Variants in FAT4 observed in about 807,000 individuals in gnomAD.
FAT4 encodes the protein protocadherin Fat 4.
Under a neutral mutation model 303.9 loss-of-function variants are expected in FAT4, and 84 were observed. That is an observed-to-expected ratio of 0.28 (90% CI 0.23 to 0.33). The LOEUF (loss-of-function observed/expected upper bound fraction) is 0.33, where lower values mean the gene tolerates loss of function less well. FAT4 is among the 10% of genes least tolerant of loss of function. The pLI is 1.00. For synonymous variants in FAT4, 2,307 were observed against 2,298.8 expected (o/e 1.00, Z -0.10); for missense variants, 6,005 against 6,146.8 (o/e 0.98, Z 0.77).
At chr4:125,474,424 T>A (rs1297299594) in intron 12 of FAT4, among the ~76,000 whole-genome samples, 1 of 151,542 alleles carries the variant, frequency 6.6e-6, no homozygotes, top group African/African-American at 2.4e-5. Flanking sequence ...TACAGATAAC[T>A]GAAAATAATC....
Position 125,318,616 on chromosome 4 carries a change from G to A in FAT4, c.2205G>A (p.Arg735=). 1 of 1,614,130 alleles carries A rather than the reference G, an allele frequency of 6.2e-7. No individual in the cohort carries two copies. Among genetic ancestry groups the A allele is most frequent in the South Asian group, 1.1e-5 (1 of 91,080 alleles). ...KYSISAGDRS[R]FQVNAQSGVI... Reference sequence around the variant, plus strand: ...GCATATCTGCTGGGGACAGGTCTCGGTTTCAGGTCAATGCTCAGAGTGGGG... The same window carrying A: ...GCATATCTGCTGGGGACAGGTCTCGATTTCAGGTCAATGCTCAGAGTGGGG... Residue 735 remains arginine (R), a synonymous_variant, in exon 2 of 18, where the codon CGG becomes CGA. Coordinates refer to ENST00000394329, the MANE Select transcript of FAT4 (RefSeq NM_001291303.3).
intron 2 of FAT4, among the ~76,000 whole-genome samples, chr4:125,334,704 A>G (rs1731506363): frequency 6.6e-6 from 1 of 152,348 alleles, no homozygotes; most frequent in South Asian, 2.1e-4. Context: ...AATTTGAAAC[A>G]TAATTCAGAG....
Position 125,452,323 on chromosome 4 carries a change from T to C in FAT4, c.11313T>C (p.Asn3771=). ...RTFLLAAVKR[N]HNQYVNPSGV... Reference sequence around the variant, plus strand: ...TTCTTTTGGCAGCTGTGAAGCGAAATCATAATCAGTATGTGAATCCCAGTG... The same window carrying C: ...TTCTTTTGGCAGCTGTGAAGCGAAACCATAATCAGTATGTGAATCCCAGTG... The change falls in exon 10 of 18, where the codon AAT becomes AAC. Residue 3771 remains asparagine (N), a synonymous_variant. Coordinates refer to ENST00000394329, the MANE Select transcript of FAT4 (RefSeq NM_001291303.3). 1 of 1,614,174 alleles carries C rather than the reference T, an allele frequency of 6.2e-7. No individual in the cohort carries two copies. The highest frequency in any genetic ancestry group is 1.3e-5 in the African/African-American group (1 of 75,054).
chr4:125,473,920 C>T (rs998036726), intron 12 of FAT4, among the ~76,000 whole-genome samples: 27 of 151,846 alleles, frequency 1.8e-4, no homozygotes, highest in African/African-American at 6.0e-4. Context: ...AAAATAAGGC[C>T]CCTACTGGAT....
rs765487000 is a variant in FAT4 at position 125,491,131 on chromosome 4, T to C, written c.14315T>C (p.Leu4772Pro). The C allele has an allele frequency of 6.2e-7, 1 of 1,614,138 alleles. No individual in the cohort carries two copies. Among genetic ancestry groups the C allele is most frequent in the Non-Finnish European group, 8.5e-7 (1 of 1,180,020 alleles). The change falls in exon 18 of 18, where the codon CTA becomes CCA. Residue 4772 changes from leucine (L) to proline (P), a missense_variant. Leu to Pro is a moderately conservative substitution (Grantham distance 98). Coordinates refer to ENST00000394329, the MANE Select transcript of FAT4 (RefSeq NM_001291303.3). ...CATGGTTCTAGACCAGGGAGTCGCC[T>C]AAAGCAGCCGATTGGGCAGATTCCA... ...ASHGSRPGSR[L>P]KQPIGQIPLE...
In FAT4 at chr4:125,315,935, T is replaced by C. The variant is rs1730563541; in HGVS notation, c.-55T>C. On this transcript the variant is annotated 5_prime_UTR_variant, in exon 1 of 18. Transcript: ENST00000394329. ...CCACCCCTTCCCCGGTGCGCAGTTG[T>C]GCTTGGACGTTTGTTCCTCCCTCTT... Among the ~76,000 whole-genome samples the C allele has an allele frequency of 6.6e-6, 1 of 152,152 alleles. No homozygotes were observed. The highest frequency in any genetic ancestry group is 2.4e-5 in the African/African-American group (1 of 41,446).
At chr4:125,370,909 G>A (rs1198393135) in intron 2 of FAT4, among the ~76,000 whole-genome samples, 1 of 152,052 alleles carries the variant, frequency 6.6e-6, no homozygotes, top group Non-Finnish European at 1.5e-5. Flanking sequence ...ACTTTGGGAG[G>A]CCAAGGCAGG....
chr4:125,477,359 T>G, intron 14 of FAT4, 25 bp downstream of exon 14: 1 of 1,514,952 alleles, frequency 6.6e-7, no homozygotes, highest in Non-Finnish European at 8.9e-7. Flanking sequence ...TTTCTTACTG[T>G]TTTAAAGAAA....
chr4:125,435,868 G>A (rs558362369), intron 8 of FAT4, among the ~76,000 whole-genome samples: 1 of 152,220 alleles, frequency 6.6e-6, no homozygotes, highest in African/African-American at 2.4e-5. Context: ...TGATGAGAGA[G>A]GATTTACGGA....
In FAT4 at chr4:125,415,887, C is replaced by T. The variant is rs184634134; in HGVS notation, c.6843+81C>T. ...AACCTCCCCTCTTCTACAGCGTTTA[C>T]GCTTCCCCTGTTCTCTCCTCATTCT... On this transcript the variant is annotated intron_variant, in intron 6 of 17. Coordinates refer to ENST00000394329, the MANE Select transcript of FAT4 (RefSeq NM_001291303.3). 1.3e-3 allele frequency: 1,423 copies of T among 1,065,978 alleles called. 6 individuals are homozygous for T. The highest frequency in any genetic ancestry group is 6.5e-3 in the Admixed American group (245 of 37,896). 66.0% of individuals were successfully genotyped at this position (1,065,978 alleles called of 1,614,324 possible).
rs763572933 is a variant in FAT4, at chr4:125,463,576, A to C, written c.11814A>C (p.Glu3938Asp). 17 of 1,581,094 alleles carry C rather than the reference A, an allele frequency of 1.1e-5. No homozygotes were observed. Among genetic ancestry groups the C allele is most frequent in the East Asian group, 2.3e-5 (1 of 44,278 alleles). ...GATATATTTTAGGGAAAATGTGTGA[A>C]TCTTCAGTCAATTACTGTGAATGCA... ...CKTGYTGKMCESSVNYCECNP... is the reference protein window; with the variant it reads ...CKTGYTGKMCDSSVNYCECNP... The change falls in exon 11 of 18, where the codon GAA becomes GAC. Residue 3938 changes from glutamate to aspartate, a missense_variant. By Grantham distance (45) the Glu-to-Asp change is conservative. Coordinates refer to ENST00000394329, the MANE Select transcript of FAT4 (RefSeq NM_001291303.3).
intron 5 of FAT4, among the ~76,000 whole-genome samples, chr4:125,411,651 T>C (rs992385180): frequency 2.0e-5 from 3 of 151,034 alleles, no homozygotes; most frequent in East Asian, 1.9e-4. Context: ...GAAGATAACA[T>C]TTATAGATTG....
At chr4:125,463,795 A>C (rs1726565272) in intron 11 of FAT4, 128 bp downstream of exon 11, 1 of 521,972 alleles carries the variant, frequency 1.9e-6, no homozygotes, top group Admixed American at 3.5e-5. Context: ...TATTAAAATA[A>C]AATCTTAAAT....
rs1015027795 is a variant in FAT4, at chr4:125,315,454, C to T, written c.-536C>T. Among the ~76,000 whole-genome samples, 3 of 152,182 alleles carry T rather than the reference C, an allele frequency of 2.0e-5. No individual in the cohort carries two copies. The highest frequency in any genetic ancestry group is 4.4e-5 in the Non-Finnish European group (3 of 68,034). On this transcript the variant is annotated 5_prime_UTR_variant, in exon 1 of 18. Coordinates refer to ENST00000394329, the MANE Select transcript of FAT4 (RefSeq NM_001291303.3). The stretch of plus-strand genomic sequence containing the variant: ...CTGGGGCCGCCGGAGAACGACCCCC[C>T]CTGGCATGGTGAGGGGAGGGCGACT...
At chr4:125,463,423 C>T (rs547192105) in intron 10 of FAT4, 140 bp from the exon 11 acceptor site, 65 of 456,724 alleles carry the variant, frequency 1.4e-4, no homozygotes, top group African/African-American at 1.3e-3. Flanking sequence ...ATTCTAATTT[C>T]CTTATGTCAA....
intron 5 of FAT4, among the ~76,000 whole-genome samples, chr4:125,412,739 G>A (rs568351045): frequency 4.6e-5 from 7 of 151,888 alleles, no homozygotes; most frequent in Non-Finnish European, 8.8e-5. Flanking sequence ...GATTTATGTA[G>A]AAATGTTAGG....
chr4:125,345,279 T>G (rs949121128), intron 2 of FAT4, among the ~76,000 whole-genome samples: 2 of 152,102 alleles, frequency 1.3e-5, no homozygotes, highest in Non-Finnish European at 1.5e-5. Flanking sequence ...AGCGAAAATA[T>G]TCTCTGCAAA....
chr4:125,455,200 T>A (rs4834044), intron 10 of FAT4, among the ~76,000 whole-genome samples: 76,500 of 151,964 alleles, frequency 0.5, 19,825 homozygotes, highest in East Asian at 0.68. Context: ...GAGTTTACAT[T>A]TAGTCCTAGA....
At chr4:125,466,777 C>CTT (rs759985717) in intron 11 of FAT4, among the ~76,000 whole-genome samples, 27 of 139,578 alleles carry the variant, frequency 1.9e-4, no homozygotes, top group Non-Finnish European at 3.4e-4. Context: ...TGTATAATTT[C>CTT]TTTTTTTTTT....
Sources: gnomAD v4.1 joint callset for allele counts (sites outside exome capture counted in the v4.1 genomes callset) on GRCh38, gnomAD v4.1.1 for gene constraint, MANE v1.5 for transcripts, NCBI Gene and HGNC (gene_info 2026-07-23, HGNC 2026-07-21) for gene names.